The following FAM78B variants were observed in gnomAD, a reference collection of about 807,000 sequenced individuals.
FAM78B encodes the protein family with sequence similarity 78 member B.
Under a neutral mutation model 20.0 loss-of-function variants are expected in FAM78B, and 10 were observed. The observed-to-expected ratio is 0.50, with a 90% CI of 0.31 to 0.85. FAM78B has a LOEUF of 0.85. FAM78B is among the 40% of genes least tolerant of loss of function. FAM78B has a pLI of 0.05. For missense variants in FAM78B, 283 were observed against 345.0 expected, an observed-to-expected ratio of 0.82 and a Z score of 1.42; for synonymous variants, 135 against 132.8, an observed-to-expected ratio of 1.02 and a Z score of -0.12.
intron 1 of FAM78B, among the ~76,000 whole-genome samples, chr1:166,155,462 TATC>T (rs962199906): frequency 6.6e-6 from 1 of 152,178 alleles, no homozygotes; most frequent in Admixed American, 6.5e-5. Flanking sequence ...CACTAGTTGT[TATC>T]ATCATCAAGT....
At chr1:166,067,330 A>AAG (rs1291141903), downstream of FAM78B, among the ~76,000 whole-genome samples, 1 of 152,132 alleles carries the variant, frequency 6.6e-6, no homozygotes, top group African/African-American at 2.4e-5. Context: ...GGACCTGATT[A>AAG]AGAAAACTTA....
chr1:166,122,746 G>A (rs550739477), intron 1 of FAM78B, among the ~76,000 whole-genome samples: 1 of 152,284 alleles, frequency 6.6e-6, no homozygotes, highest in East Asian at 1.9e-4. Flanking sequence ...CAGGATTATT[G>A]CGAGAATTCA....
At chr1:166,057,866 G>T in exon 3 of FAM78B, 1 of 152,172 alleles carries the variant, frequency 6.6e-6, no homozygotes, top group Non-Finnish European at 1.5e-5. Context: ...AGGGTGGGGT[G>T]GGCCAGATGG....
At chr1:166,055,936 CTTAT>C (rs1029003244), downstream of FAM78B, among the ~76,000 whole-genome samples, 42 of 152,290 alleles carry the variant, frequency 2.8e-4, no homozygotes, top group East Asian at 1.3e-3. Context: ...TTGCCAGTTC[CTTAT>C]TTATTTCTTG....
At chr1:166,079,934 C>G (rs373093763) in intron 1 of FAM78B, among the ~76,000 whole-genome samples, 3 of 152,156 alleles carry the variant, frequency 2.0e-5, no homozygotes, top group African/African-American at 7.2e-5. Context: ...CCTTTTGTTA[C>G]GTGTGGTTTC....
Position 166,133,922 on chromosome 1 carries a change from T to C in FAM78B, c.263+32064A>G, listed in dbSNP as rs570516842. Among the ~76,000 whole-genome samples, 16 of 152,332 alleles carry C rather than the reference T, an allele frequency of 1.1e-4. No individual in the cohort carries two copies. In the East Asian group the frequency reaches 3.1e-3, roughly 29 times the overall value. On this transcript the variant is annotated intron_variant, in intron 1 of 1. Transcript: ENST00000354422. Reference sequence around the variant, plus strand: ...AGATAACTTCATGCCACTTGTCTCATTTCATCCTCATCACCCCAAAGGTTA... The same window carrying C: ...AGATAACTTCATGCCACTTGTCTCACTTCATCCTCATCACCCCAAAGGTTA...
At chr1:166,085,957 G>C (rs1038449885) in intron 1 of FAM78B, among the ~76,000 whole-genome samples, 3 of 152,100 alleles carry the variant, frequency 2.0e-5, no homozygotes, top group Non-Finnish European at 2.9e-5. Flanking sequence ...AATCTCAAAT[G>C]TCAGGTATTA....
At chr1:166,118,047 G>A (rs967897359) in intron 1 of FAM78B, among the ~76,000 whole-genome samples, 1 of 152,194 alleles carries the variant, frequency 6.6e-6, no homozygotes, top group Non-Finnish European at 1.5e-5. Flanking sequence ...CATGGACTCT[G>A]TAAGAGAACC....
intron 1 of FAM78B, among the ~76,000 whole-genome samples, chr1:166,111,977 C>T (rs746707633): frequency 7.9e-5 from 12 of 152,188 alleles, no homozygotes; most frequent in Non-Finnish European, 1.0e-4. Flanking sequence ...TCCAGGCTCT[C>T]GAAGTCACGT....
chr1:166,099,112 A>G (rs1431163944), intron 1 of FAM78B, among the ~76,000 whole-genome samples: 4 of 152,188 alleles, frequency 2.6e-5, no homozygotes, highest in African/African-American at 9.7e-5. Context: ...TAACAAAACA[A>G]TTATCAGCCA....
chr1:166,117,961 G>A (rs1033925236), intron 1 of FAM78B, among the ~76,000 whole-genome samples: 2 of 152,260 alleles, frequency 1.3e-5, no homozygotes, highest in African/African-American at 4.8e-5. Context: ...TGGGAGGGGC[G>A]GGGGTGATGG....
intron 1 of FAM78B, among the ~76,000 whole-genome samples, chr1:166,152,695 T>TATTTATTTATTGATTG (rs1553224691): frequency 6.7e-6 from 1 of 149,148 alleles, no homozygotes; most frequent in African/African-American, 2.5e-5. Flanking sequence ...TTTATTTATT[T>TATTTATTTATTGATTG]ATTGATGGAA....
intron 1 of FAM78B, among the ~76,000 whole-genome samples, chr1:166,077,607 TTATA>T (rs1172537521): frequency 7.6e-6 from 1 of 131,746 alleles, no homozygotes; most frequent in African/African-American, 3.5e-5. Context: ...AATTATATAT[TTATA>T]TAAATTATAT....
At chr1:166,056,313 G>T (rs1333448356), downstream of FAM78B, among the ~76,000 whole-genome samples, 1 of 151,976 alleles carries the variant, frequency 6.6e-6, no homozygotes, top group East Asian at 1.9e-4. Context: ...ATGAATGAAT[G>T]AATGAATGAA....
At position 166,092,952 on chromosome 1, in the gene FAM78B, C is replaced by T. The variant is rs536742550; in HGVS notation, c.264-22189G>A. ...GGATCTCAGAGACATTCTAACTTGC[C>T]GTTAAGTGGCCGGGCTGAAATCAAA... On this transcript the variant is annotated intron_variant, in intron 1 of 1. Transcript: ENST00000354422. 1.3e-3 allele frequency among the ~76,000 whole-genome samples: 200 copies of T among 152,202 alleles called. 1 individual carries two copies. Among genetic ancestry groups the T allele is most frequent in the African/African-American group, 4.5e-3 (186 of 41,530 alleles).
intron 1 of FAM78B, among the ~76,000 whole-genome samples, chr1:166,124,215 G>A (rs143731790): frequency 1.3e-5 from 2 of 152,260 alleles, no homozygotes; most frequent in African/African-American, 4.8e-5. Context: ...ACCTTCTTTG[G>A]TTGGGTAATG....
chr1:166,130,188 TC>T (rs58918295), intron 1 of FAM78B, among the ~76,000 whole-genome samples: 4,923 of 152,314 alleles, frequency 0.032, 245 homozygotes, highest in African/African-American at 0.11. Context: ...GCTACTCACC[TC>T]TGTGGCTCTT....
At chr1:166,136,049 T>A (rs1358128999) in intron 1 of FAM78B, among the ~76,000 whole-genome samples, 1 of 152,184 alleles carries the variant, frequency 6.6e-6, no homozygotes, top group Non-Finnish European at 1.5e-5. Flanking sequence ...CAATGCTAAC[T>A]TTTTTCAAAC....
At position 166,122,060 on chromosome 1, in the gene FAM78B, C is replaced by G. The variant is rs142761306; in HGVS notation, c.263+43926G>C. Among the ~76,000 whole-genome samples the G allele has an allele frequency of 8.7e-4, 132 of 152,332 alleles. 2 individuals carry two copies. The highest frequency in any genetic ancestry group is 3.0e-3 in the African/African-American group (124 of 41,580). ...CACCTCTGACTGCTTTTCGGAATCA[C>G]AGATTAATTCCCAGATCTGTCCAGT... On this transcript the variant is annotated intron_variant, in intron 1 of 1. Coordinates refer to ENST00000354422, the MANE Select transcript of FAM78B (RefSeq NM_001017961.5).
Sources: gnomAD v4.1 joint callset for allele counts (sites outside exome capture counted in the v4.1 genomes callset) on GRCh38, gnomAD v4.1.1 for gene constraint, MANE v1.5 for transcripts, NCBI Gene and HGNC (gene_info 2026-07-23, HGNC 2026-07-21) for gene names.